The following POLA1 variants were observed in gnomAD, a reference collection of about 807,000 sequenced individuals.
POLA1 encodes DNA polymerase alpha catalytic subunit.
Under a neutral mutation model 124.0 loss-of-function variants are expected in POLA1, and 15 were observed. The observed-to-expected ratio is 0.12, with a 90% CI of 0.08 to 0.19. POLA1 has a LOEUF of 0.19. POLA1 is among the 10% of genes least tolerant of loss of function. The pLI, the probability that POLA1 is intolerant of heterozygous loss-of-function variation, is 1.00. For missense variants in POLA1, 886 were observed against 1,103.4 expected (o/e 0.80, Z 2.79); for synonymous variants, 408 against 389.4 (o/e 1.05, Z -0.56).
chrX:24,912,689 C>T (rs1381110774), intron 35 of POLA1, among the ~76,000 whole-genome samples: 2 of 111,940 alleles, frequency 1.8e-5, no homozygotes, highest in Non-Finnish European at 3.8e-5. Context: ...GTAACCCCAA[C>T]ACTTTAGGAG....
intron 36 of POLA1, among the ~76,000 whole-genome samples, chrX:24,943,156 G>A (rs960169579): frequency 4.4e-5 from 5 of 112,512 alleles, no homozygotes; most frequent in Non-Finnish European, 7.5e-5. Context: ...ATATAATAAT[G>A]TAAGTATTTT....
intron 36 of POLA1, among the ~76,000 whole-genome samples, chrX:24,931,905 C>CT (rs1170731549): frequency 7.0e-4 from 74 of 106,385 alleles, no homozygotes; most frequent in East Asian, 3.8e-3. Context: ...TCTATTACTT[C>CT]TTTTTTTTTT....
intron 36 of POLA1, among the ~76,000 whole-genome samples, chrX:24,962,072 T>C (rs1268781005): frequency 9.0e-6 from 1 of 111,491 alleles, no homozygotes; most frequent in Non-Finnish European, 1.9e-5. Context: ...TCTTTATATA[T>C]ATATTATATT....
chrX:24,984,528 C>T (rs908372413), intron 36 of POLA1, among the ~76,000 whole-genome samples: 1 of 109,911 alleles, frequency 9.1e-6, no homozygotes, highest in Non-Finnish European at 1.9e-5. Context: ...CGTTTTACAC[C>T]GGAAAAAAAA....
chrX:24,909,779 A>C lies in POLA1; in HGVS notation c.4165-20674A>C, dbSNP rs2047420514. On this transcript the variant is annotated intron_variant, in intron 35 of 36. Transcript: ENST00000379068. The stretch of plus-strand genomic sequence containing the variant: ...TTTTTCCAATTCTGTGAAGAAAGTC[A>C]TTGGTAGCTTGATGGGGATGGCATT... Among the ~76,000 whole-genome samples the C allele has an allele frequency of 1.8e-5, 2 of 110,516 alleles. 1 individual carries two copies. The highest frequency in any genetic ancestry group is 1.9e-4 in the Admixed American group (2 of 10,457).
At chrX:24,883,553 A>G (rs1315632645) in intron 34 of POLA1, among the ~76,000 whole-genome samples, 7 of 112,317 alleles carry the variant, frequency 6.2e-5, no homozygotes, top group Non-Finnish European at 1.1e-4. Flanking sequence ...ATCAGAACCA[A>G]TCAACATTTG....
intron 35 of POLA1, among the ~76,000 whole-genome samples, chrX:24,901,739 CCTT>C (rs1203606035): frequency 1.2e-4 from 13 of 111,509 alleles, no homozygotes; most frequent in African/African-American, 3.3e-4. Flanking sequence ...CTACTCCAAT[CCTT>C]CTTCCCCTGT....
intron 35 of POLA1, among the ~76,000 whole-genome samples, chrX:24,894,052 C>T (rs766810008): frequency 9.0e-6 from 1 of 111,529 alleles, no homozygotes; most frequent in South Asian, 3.8e-4. Flanking sequence ...CTGAGTGTTC[C>T]CTTCTAGACC....
At chrX:24,797,299 G>GT (rs1280509525) in intron 26 of POLA1, among the ~76,000 whole-genome samples, 2 of 109,709 alleles carry the variant, frequency 1.8e-5, no homozygotes, top group East Asian at 2.8e-4. Flanking sequence ...AAAAAAATTT[G>GT]TTTTTTTAAA....
At chrX:24,827,179 C>G (rs1488829229) in intron 32 of POLA1, among the ~76,000 whole-genome samples, 4 of 112,114 alleles carry the variant, frequency 3.6e-5, no homozygotes, top group Non-Finnish European at 7.5e-5. Context: ...ACCCTGAGAC[C>G]TCAGTATTAC....
At chrX:24,744,569 TTA>T (rs1419364291) in intron 23 of POLA1, 1 of 349,284 alleles carries the variant, frequency 2.9e-6, no homozygotes, top group African/African-American at 2.7e-5. Flanking sequence ...CTACTGACAT[TTA>T]TATATATGTG....
At chrX:24,757,852 A>G (rs1030519841) in intron 26 of POLA1, among the ~76,000 whole-genome samples, 2 of 111,764 alleles carry the variant, frequency 1.8e-5, no homozygotes, top group East Asian at 5.6e-4. Context: ...TAAATATTCC[A>G]AAATTCCAAA....
At chrX:24,744,925 C>A (rs1227984494) in intron 23 of POLA1, among the ~76,000 whole-genome samples, 1 of 96,068 alleles carries the variant, frequency 1.0e-5, no homozygotes, top group Non-Finnish European at 2.0e-5. Context: ...GCACTCCATC[C>A]TGGAGACAGA....
intron 35 of POLA1, among the ~76,000 whole-genome samples, chrX:24,928,966 G>A (rs1396973422): frequency 8.9e-6 from 1 of 111,887 alleles, no homozygotes; most frequent in Non-Finnish European, 1.9e-5. Flanking sequence ...AGCCCTGACC[G>A]ATAAATTGCT....
chrX:24,930,578 A>T, intron 36 of POLA1, 29 bp downstream of exon 36: 1 of 936,014 alleles, frequency 1.1e-6, no homozygotes, highest in Non-Finnish European at 1.5e-6. Flanking sequence ...ATTACCTTTG[A>T]GTTTAAAGTG....
chrX:24,869,765 C>A (rs1183813600), intron 34 of POLA1, among the ~76,000 whole-genome samples: 1 of 111,084 alleles, frequency 9.0e-6, no homozygotes, highest in African/African-American at 3.3e-5. Context: ...TTCCTTCTTT[C>A]CTCCATCCAC....
chrX:24,927,430 C>T (rs1473720561), intron 35 of POLA1, among the ~76,000 whole-genome samples: 1 of 111,793 alleles, frequency 8.9e-6, no homozygotes, highest in African/African-American at 3.3e-5. Flanking sequence ...GTCCCCTGTG[C>T]CAGGTATCAA....
At chrX:24,759,787 C>T (rs767576632) in intron 26 of POLA1, among the ~76,000 whole-genome samples, 1 of 112,398 alleles carries the variant, frequency 8.9e-6, no homozygotes, top group South Asian at 3.7e-4. Context: ...GATTAAGTTT[C>T]ATTACTTTGA....
At chrX:24,902,545 T>C (rs753800325) in intron 35 of POLA1, among the ~76,000 whole-genome samples, 3 of 111,962 alleles carry the variant, frequency 2.7e-5, no homozygotes, top group Admixed American at 1.9e-4. Context: ...TGGATGGTTA[T>C]AGATTAAAGG....
Sources: allele counts gnomAD v4.1 joint callset (sites outside exome capture counted in the v4.1 genomes callset), GRCh38; gene constraint gnomAD v4.1.1; transcripts MANE v1.5; gene names NCBI Gene and HGNC (gene_info 2026-07-23, HGNC 2026-07-21).